The following TNFAIP8L2 variants were observed in gnomAD, a reference collection of about 807,000 sequenced individuals.
The protein encoded by TNFAIP8L2 is TNF alpha induced protein 8 like 2.
TNFAIP8L2 carries 2 observed loss-of-function variants against 5.6 expected under a neutral mutation model. The ratio of observed to expected loss-of-function variants is 0.36; its 90% CI spans 0.15 to 1.13. The LOEUF (loss-of-function observed/expected upper bound fraction) is 1.13. TNFAIP8L2 is among the 50% of genes most tolerant of loss of function. The pLI, the probability that TNFAIP8L2 is intolerant of heterozygous loss-of-function variation, is 0.40. For missense variants in TNFAIP8L2, 216 were observed against 241.8 expected (o/e 0.89, Z 0.71); for synonymous variants, 91 against 101.1 (o/e 0.90, Z 0.60).
At chr1:151,158,579 A>G (rs1217707200) in intron 1 of TNFAIP8L2, 87 bp from the exon 2 acceptor site, 3 of 1,015,544 alleles carry the variant, frequency 3.0e-6, no homozygotes, top group Non-Finnish European at 2.9e-6. Flanking sequence ...ACAAACAAAG[A>G]TGATGATGAC....
At chr1:151,157,285 A>G (rs1683257099) in intron 1 of TNFAIP8L2, among the ~76,000 whole-genome samples, 1 of 152,184 alleles carries the variant, frequency 6.6e-6, no homozygotes, top group East Asian at 1.9e-4. Context: ...AGCTGGGGAA[A>G]AAAACCCCCA....
intron 1 of TNFAIP8L2, 57 bp from the exon 2 acceptor site, chr1:151,158,609 C>A: frequency 8.0e-7 from 1 of 1,252,944 alleles, no homozygotes. Flanking sequence ...AAAGAAGCAA[C>A]AGAAAAGGGA....
chr1:151,158,088 G>C (rs1454034541), intron 1 of TNFAIP8L2, among the ~76,000 whole-genome samples: 2 of 152,184 alleles, frequency 1.3e-5, no homozygotes, highest in African/African-American at 4.8e-5. Context: ...ACTTTGGGAG[G>C]CCGAGGTGGG....
chr1:151,158,656 T>C lies in TNFAIP8L2; in HGVS notation c.-32-10T>C, dbSNP rs1373814674. ...TCTCTTTCTAAGGAAGCCTGTGGCC[T>C]TTCTTCTAGTGACTGACCACATACC... On this transcript the variant is annotated splice_polypyrimidine_tract_variant and intron_variant, in intron 1 of 1. Transcript: ENST00000368910. 1 of 1,499,034 alleles carries C rather than the reference T, an allele frequency of 6.7e-7. No individual in the cohort carries two copies. Among genetic ancestry groups the C allele is most frequent in the East Asian group, 2.3e-5 (1 of 43,826 alleles). 92.9% of individuals were successfully genotyped at this position (1,499,034 alleles called of 1,614,324 possible).
intron 1 of TNFAIP8L2, among the ~76,000 whole-genome samples, 155 bp downstream of exon 1, chr1:151,156,877 A>G (rs1354782115): frequency 6.6e-6 from 1 of 152,154 alleles, no homozygotes; most frequent in Non-Finnish European, 1.5e-5. Flanking sequence ...TCTGGTGGCA[A>G]GGCAGCCTCT....
Position 151,159,022 on chromosome 1 carries a change from T to G in TNFAIP8L2, c.325T>G (p.Phe109Val), listed in dbSNP as rs1252948240. The G allele has an allele frequency of 6.2e-7, 1 of 1,614,256 alleles. No homozygotes were observed. The highest frequency in any genetic ancestry group is 1.7e-5 in the Admixed American group (1 of 60,032). ...GGCACTTAGCTTTGGTGAGGTAGAC[T>G]TCACCTTCGAGGCTGCTGTTCTGGC... is the stretch of plus-strand genomic sequence containing the variant. The part of the protein sequence containing the change: ...MTALSFGEVD[F>V]TFEAAVLAGL... The change falls in exon 2 of 2, where the codon TTC becomes GTC. Residue 109 changes from phenylalanine (F) to valine (V), a missense_variant. Phe to Val is a conservative substitution (Grantham distance 50, BLOSUM62 -1). Coordinates refer to ENST00000368910, the MANE Select transcript of TNFAIP8L2 (RefSeq NM_024575.5).
chr1:151,157,490 AG>A (rs1304033036), intron 1 of TNFAIP8L2, among the ~76,000 whole-genome samples: 1 of 152,174 alleles, frequency 6.6e-6, no homozygotes, highest in Non-Finnish European at 1.5e-5. Context: ...TGCCACCAAG[AG>A]GGTCCTGAGT....
intron 1 of TNFAIP8L2, among the ~76,000 whole-genome samples, chr1:151,158,323 A>C (rs1380175177): frequency 1.7e-5 from 2 of 114,514 alleles, no homozygotes; most frequent in Non-Finnish European, 3.6e-5. Context: ...ACTCCGTCTC[A>C]AAAAAAAAAA....
In TNFAIP8L2 at chr1:151,158,694, A is replaced by G; in HGVS notation, c.-4A>G. The G allele has an allele frequency of 6.3e-7, 1 of 1,591,262 alleles. No individual in the cohort carries two copies. The highest frequency in any genetic ancestry group is 8.6e-7 in the Non-Finnish European group (1 of 1,166,916). ...CTGACCACATACCCCACTCTCCAGGACCCATGGAGTCCTTCAGCTCAAAGA... is the reference window on the plus strand; with the variant it reads ...CTGACCACATACCCCACTCTCCAGGGCCCATGGAGTCCTTCAGCTCAAAGA... On this transcript the variant is annotated 5_prime_UTR_variant, in exon 2 of 2. Transcript: ENST00000368910.
At position 151,159,350 on chromosome 1, in the gene TNFAIP8L2, T is replaced by G; in HGVS notation, c.*98T>G. On this transcript the variant is annotated 3_prime_UTR_variant, in exon 2 of 2. Transcript: ENST00000368910. The stretch of plus-strand genomic sequence containing the variant: ...CCCTGCTCACCTGGCACTAACACTT[T>G]TCAATCTTCAGGCTTCATTCCTTCC... The G allele has an allele frequency of 8.0e-7, 1 of 1,244,456 alleles. No individual in the cohort carries two copies. The highest frequency in any genetic ancestry group is 1.5e-5 in the South Asian group (1 of 66,014). The allele number at this position is 1,244,456 out of a possible 1,614,324, so 77.1% of individuals were successfully genotyped here.
rs1259402481 is a variant in TNFAIP8L2, at chr1:151,159,620, GA to G, written c.*369del. ...AGAGAACCCCTTTGGGGATACTAAA[GA>G]CAGAAGAGGGGAAGGTGGCCCTTAG... is the stretch of plus-strand genomic sequence containing the variant. On this transcript the variant is annotated 3_prime_UTR_variant, in exon 2 of 2. Coordinates refer to ENST00000368910, the MANE Select transcript of TNFAIP8L2 (RefSeq NM_024575.5). 2.1e-5 allele frequency: 5 copies of G among 234,292 alleles called. No individual in the cohort carries two copies. Among genetic ancestry groups the G allele is most frequent in the Non-Finnish European group, 3.7e-5 (4 of 107,296 alleles). The allele number at this position is 234,292 out of a possible 1,614,324, so 14.5% of individuals were successfully genotyped here. A position where few individuals can be genotyped will look rare whatever the true frequency, so the allele number is the denominator to read the frequency against.
At chr1:151,158,322 C>CAA (rs587732030) in intron 1 of TNFAIP8L2, among the ~76,000 whole-genome samples, 4 of 83,846 alleles carry the variant, frequency 4.8e-5, no homozygotes, top group Non-Finnish European at 5.2e-5. Flanking sequence ...GACTCCGTCT[C>CAA]AAAAAAAAAA....
At chr1:151,158,493 G>A (rs1433550009) in intron 1 of TNFAIP8L2, among the ~76,000 whole-genome samples, 173 bp from the exon 2 acceptor site, 3 of 151,978 alleles carry the variant, frequency 2.0e-5, no homozygotes, top group Non-Finnish European at 4.4e-5. Flanking sequence ...GTCAAGATTT[G>A]CTACAGCACT....
chr1:151,159,371 C>T lies in TNFAIP8L2; in HGVS notation c.*119C>T, dbSNP rs919885722. On this transcript the variant is annotated 3_prime_UTR_variant, in exon 2 of 2. Coordinates refer to ENST00000368910, the MANE Select transcript of TNFAIP8L2 (RefSeq NM_024575.5). ...ACTTTTCAATCTTCAGGCTTCATTC[C>T]TTCCCAAGAGTGCTTTTGACTCTGA... The T allele has an allele frequency of 3.5e-6, 4 of 1,127,126 alleles. No individual in the cohort carries two copies. The African/African-American group carries it at 6.3e-5, about 18-fold the overall frequency. 69.8% of individuals were successfully genotyped at this position (1,127,126 alleles called of 1,614,324 possible).
In TNFAIP8L2 at chr1:151,159,224, G is replaced by A; in HGVS notation, c.527G>A (p.Arg176Lys). The A allele has an allele frequency of 6.2e-7, 1 of 1,613,480 alleles. No homozygotes were observed. ...QHLGKICDGL[R>K]KLLDEGKL ...CTTGGCAAGATCTGTGACGGACTCA[G>A]GAAGCTGCTAGACGAAGGGAAGCTC... The change falls in exon 2 of 2, where the codon AGG (arginine) becomes AAG (lysine). Residue 176 changes from arginine to lysine, a missense_variant. By Grantham distance (26) the Arg-to-Lys change is conservative. Coordinates refer to ENST00000368910, the MANE Select transcript of TNFAIP8L2 (RefSeq NM_024575.5).
At chr1:151,158,317 C>T (rs1298702921) in intron 1 of TNFAIP8L2, among the ~76,000 whole-genome samples, 15 of 145,140 alleles carry the variant, frequency 1.0e-4, no homozygotes, top group Non-Finnish European at 1.4e-4. Flanking sequence ...AGCAAGACTC[C>T]GTCTCAAAAA....
rs373860659 is a variant in TNFAIP8L2, at chr1:151,158,877, C to G, written c.180C>G (p.Ile60Met). ...THSRPQAQRV[I>M]KDLIKVAIKV... is the part of the protein sequence containing the mutation. ...GCCGGCCCCAGGCCCAGCGCGTGAT[C>G]AAGGACCTGATCAAAGTGGCCATCA... is the stretch of plus-strand genomic sequence containing the variant. The change falls in exon 2 of 2, where the codon ATC becomes ATG. Residue 60 changes from isoleucine (I) to methionine (M), a missense_variant. Ile to Met is a conservative substitution (Grantham distance 10). Coordinates refer to ENST00000368910, the MANE Select transcript of TNFAIP8L2 (RefSeq NM_024575.5). 2.1e-5 allele frequency: 34 copies of G among 1,614,128 alleles called. No individual in the cohort carries two copies. Among genetic ancestry groups the G allele is most frequent in the Non-Finnish European group, 2.8e-5 (33 of 1,180,054 alleles).
Position 151,159,611 on chromosome 1 carries a change from G to GA in TNFAIP8L2, c.*360dup. On this transcript the variant is annotated 3_prime_UTR_variant, in exon 2 of 2. Transcript: ENST00000368910. ...GCACAGCCCAGAGAACCCCTTTGGGGATACTAAAGACAGAAGAGGGGAAGG... is the reference window on the plus strand; with the variant it reads ...GCACAGCCCAGAGAACCCCTTTGGGGAATACTAAAGACAGAAGAGGGGAAGG... 4.0e-6 allele frequency: 1 copy of GA among 249,682 alleles called. No homozygotes were observed. The highest frequency in any genetic ancestry group is 8.6e-6 in the Non-Finnish European group (1 of 116,534). The allele number at this position is 249,682 out of a possible 1,614,324, so 15.5% of individuals were successfully genotyped here.
chr1:151,156,928 G>A (rs1683241830), intron 1 of TNFAIP8L2, among the ~76,000 whole-genome samples: 1 of 152,148 alleles, frequency 6.6e-6, no homozygotes, highest in African/African-American at 2.4e-5. Flanking sequence ...AGGGCTGAGG[G>A]ATGCAGGTGG....
Sources: gnomAD v4.1 joint callset for allele counts (sites outside exome capture counted in the v4.1 genomes callset) on GRCh38, gnomAD v4.1.1 for gene constraint, MANE v1.5 for transcripts, NCBI Gene and HGNC (gene_info 2026-07-23, HGNC 2026-07-21) for gene names.